Variants in FNDC3B observed in about 807,000 individuals in gnomAD.
FNDC3B encodes fibronectin type III domain-containing protein 3B.
A neutral mutation model predicts 151.5 loss-of-function variants in FNDC3B; 12 were observed. The observed-to-expected ratio is 0.08, with a 90% CI of 0.05 to 0.13. The LOEUF is 0.13. Ranked by LOEUF, FNDC3B falls within the 10% of genes least tolerant of loss-of-function variation. The probability of loss-of-function intolerance (pLI) is 1.00; values close to 1 mark genes in which losing one functional copy is unlikely to be tolerated. For missense variants in FNDC3B, 1,214 were observed against 1,505.3 expected (o/e 0.81, Z 3.20); for synonymous variants, 528 against 549.0 (o/e 0.96, Z 0.54).
At chr3:172,113,027 G>A (rs534248135) in intron 2 of FNDC3B, among the ~76,000 whole-genome samples, 73 of 152,268 alleles carry the variant, frequency 4.8e-4, no homozygotes, top group Admixed American at 2.4e-3. Context: ...TTCCAAATGT[G>A]TAGCTCATAA....
At chr3:172,341,077 A>G in intron 16 of FNDC3B, 36 bp from the exon 17 acceptor site, 9 of 1,371,786 alleles carry the variant, frequency 6.6e-6, no homozygotes, top group Non-Finnish European at 9.4e-6. Context: ...CATTTTTACA[A>G]GAGGCATAAA....
In FNDC3B at chr3:172,177,377, G is replaced by T. The variant is rs193080524; in HGVS notation, c.187+43831G>T. 1.4e-3 allele frequency among the ~76,000 whole-genome samples: 210 copies of T among 152,274 alleles called. 6 individuals are homozygous for T. Among genetic ancestry groups the T allele is most frequent in the Admixed American group, 0.013 (203 of 15,292 alleles). ...TTACGTTAGAGCTGCTTAGATAGAA[G>T]TTGCAACTTTTTTGGAGTCTGAGTT... On this transcript the variant is annotated intron_variant, in intron 3 of 25. Coordinates refer to ENST00000415807, the MANE Select transcript of FNDC3B (RefSeq NM_022763.4).
intron 23 of FNDC3B, among the ~76,000 whole-genome samples, chr3:172,374,913 A>T (rs914818274): frequency 6.6e-6 from 1 of 152,188 alleles, no homozygotes; most frequent in African/African-American, 2.4e-5. Flanking sequence ...GTTTAACTAG[A>T]ATCTATTTTC....
chr3:172,198,268 G>GT (rs1293069873), intron 3 of FNDC3B, among the ~76,000 whole-genome samples: 1 of 152,098 alleles, frequency 6.6e-6, no homozygotes, highest in African/African-American at 2.4e-5. Flanking sequence ...GCCAAGATCT[G>GT]TGGGGGGGTA....
At chr3:172,321,142 T>C (rs1732059598) in intron 11 of FNDC3B, among the ~76,000 whole-genome samples, 1 of 152,246 alleles carries the variant, frequency 6.6e-6, no homozygotes, top group African/African-American at 2.4e-5. Context: ...GAAAGCTGGT[T>C]ACATGAGGAA....
chr3:172,192,181 T>TG (rs1257087234), intron 3 of FNDC3B, among the ~76,000 whole-genome samples: 7 of 148,510 alleles, frequency 4.7e-5, no homozygotes, highest in East Asian at 1.9e-4. Flanking sequence ...TTTTTGTTTT[T>TG]TTTTTTTTTG....
At chr3:172,090,283 T>TGA (rs1718749446) in intron 1 of FNDC3B, among the ~76,000 whole-genome samples, 1 of 152,132 alleles carries the variant, frequency 6.6e-6, no homozygotes, top group Non-Finnish European at 1.5e-5. Context: ...ATCTCCTAGC[T>TGA]CCTTAATCCC....
chr3:172,168,054 C>T (rs1723096200), intron 3 of FNDC3B, among the ~76,000 whole-genome samples: 1 of 152,166 alleles, frequency 6.6e-6, no homozygotes, highest in Admixed American at 6.5e-5. Context: ...TGATGTAGGT[C>T]TTTTCTCTAT....
intron 11 of FNDC3B, among the ~76,000 whole-genome samples, chr3:172,324,977 C>T (rs900960903): frequency 1.5e-4 from 23 of 152,310 alleles, no homozygotes; most frequent in African/African-American, 5.3e-4. Context: ...CTCAGCCCTG[C>T]GGACCAGCTG....
At chr3:172,132,043 C>T (rs1721132411) in intron 2 of FNDC3B, among the ~76,000 whole-genome samples, 1 of 152,068 alleles carries the variant, frequency 6.6e-6, no homozygotes. Context: ...TAATTGATTG[C>T]AGTTGTAAAT....
At chr3:172,169,547 T>C (rs780664801) in intron 3 of FNDC3B, among the ~76,000 whole-genome samples, 2 of 152,236 alleles carry the variant, frequency 1.3e-5, no homozygotes, top group Non-Finnish European at 2.9e-5. Context: ...TGAGTCAGAC[T>C]TCCTGGCTAC....
At chr3:172,208,401 T>C (rs1725538080) in intron 3 of FNDC3B, among the ~76,000 whole-genome samples, 1 of 152,206 alleles carries the variant, frequency 6.6e-6, no homozygotes, top group Admixed American at 6.5e-5. Context: ...CCTTCTCATA[T>C]AGCCTTCTCC....
rs1451547413 is a variant in FNDC3B, at chr3:172,344,184, C to T, written c.2176C>T (p.Leu726=). 7.4e-6 allele frequency: 12 copies of T among 1,614,156 alleles called. No individual in the cohort carries two copies. Among genetic ancestry groups the T allele is most frequent in the African/African-American group, 1.3e-5 (1 of 75,040 alleles). ...VASEVYHGPE[L]ECTVGNLLPG... The stretch of plus-strand genomic sequence containing the variant: ...CTCGGAAGTGTACCATGGCCCAGAG[C>T]TGGAGTGCACCGTCGGCAACCTGCT... Residue 726 remains leucine (L), a synonymous_variant, in exon 19 of 26, where the codon CTG becomes TTG. Transcript: ENST00000415807.
chr3:172,274,211 T>G (rs1402032984), intron 6 of FNDC3B, among the ~76,000 whole-genome samples: 1 of 152,228 alleles, frequency 6.6e-6, no homozygotes, highest in Non-Finnish European at 1.5e-5. Context: ...CAAACTGACC[T>G]TCTGTAATTG....
intron 11 of FNDC3B, among the ~76,000 whole-genome samples, chr3:172,320,263 C>CT (rs1265177414): frequency 1.4e-3 from 206 of 152,148 alleles, no homozygotes; most frequent in African/African-American, 4.8e-3. Context: ...TCCTGTAATC[C>CT]CAGTTGCTTG....
intron 4 of FNDC3B, among the ~76,000 whole-genome samples, chr3:172,232,896 T>A (rs1261463841): frequency 6.6e-6 from 1 of 152,210 alleles, no homozygotes; most frequent in Non-Finnish European, 1.5e-5. Flanking sequence ...AAATGTTATG[T>A]GAGGTGTGGC....
rs573215557 is a variant in FNDC3B, at chr3:172,099,043, C to T, written c.-28-13409C>T. Among the ~76,000 whole-genome samples the T allele has an allele frequency of 2.6e-5, 4 of 152,262 alleles. No homozygotes were observed. The East Asian group carries it at 5.8e-4, about 22-fold the overall frequency. On this transcript the variant is annotated intron_variant, in intron 1 of 25. Transcript: ENST00000415807. The stretch of plus-strand genomic sequence containing the variant: ...AGTGACTGGCTAGAGCAAACGCCTT[C>T]GCAAAGAAAGATATTTTGGAGTTCC...
intron 1 of FNDC3B, among the ~76,000 whole-genome samples, chr3:172,108,042 C>T (rs1316501205): frequency 1.3e-5 from 2 of 152,058 alleles, no homozygotes; most frequent in Admixed American, 6.6e-5. Flanking sequence ...GTGGCACGTG[C>T]CTGTAGTCCC....
intron 23 of FNDC3B, among the ~76,000 whole-genome samples, chr3:172,376,134 A>G (rs1053189294): frequency 1.3e-5 from 2 of 152,234 alleles, no homozygotes; most frequent in Non-Finnish European, 2.9e-5. Context: ...AACAGTTAAT[A>G]AAATTCTCCA....
Sources: gnomAD v4.1 joint callset for allele counts (sites outside exome capture counted in the v4.1 genomes callset) on GRCh38, gnomAD v4.1.1 for gene constraint, MANE v1.5 for transcripts, NCBI Gene and HGNC (gene_info 2026-07-23, HGNC 2026-07-21) for gene names.